ATP6AP2: variants seen among roughly 807,000 people sequenced by gnomAD.
ATP6AP2 encodes the protein ATPase H+ transporting accessory protein 2.
ATP6AP2 carries 1 observed loss-of-function variant against 23.4 expected under a neutral mutation model. The ratio of observed to expected loss-of-function variants is 0.04; its 90% confidence interval spans 0.02 to 0.20. The LOEUF is 0.20. ATP6AP2 is among the 10% of genes least tolerant of loss of function. The probability of loss-of-function intolerance (pLI) is 1.00; values close to 1 mark genes in which losing one functional copy is unlikely to be tolerated. For synonymous variants in ATP6AP2, 90 were observed against 97.1 expected, an observed-to-expected ratio of 0.93 and a Z score of 0.43; for missense variants, 174 against 271.3, an observed-to-expected ratio of 0.64 and a Z score of 2.52.
rs150888162 is a variant in ATP6AP2, at chrX:40,588,098, G to T, written c.38-888G>T. On this transcript the variant is annotated intron_variant, in intron 1 of 8. Transcript: ENST00000636580. The stretch of plus-strand genomic sequence containing the variant: ...TGTCCCTGTGTAAGCTAGACATCAC[G>T]AGGTTAATAGATAATGGATGAAGAG... Among the ~76,000 whole-genome samples the T allele has an allele frequency of 9.9e-3, 1,110 of 112,253 alleles. 13 individuals are homozygous for T. The highest frequency in any genetic ancestry group is 0.034 in the African/African-American group (1,059 of 30,898).
At chrX:40,590,897 T>C (rs1291512662) in intron 2 of ATP6AP2, 8 of 219,976 alleles carry the variant, frequency 3.6e-5, no homozygotes, top group Non-Finnish European at 6.6e-5. Flanking sequence ...GGGAAGAAAA[T>C]TTCCATGGCT....
intron 1 of ATP6AP2, among the ~76,000 whole-genome samples, chrX:40,587,099 G>C (rs1926493417): frequency 8.9e-6 from 1 of 111,888 alleles, no homozygotes; most frequent in African/African-American, 3.2e-5. Context: ...GTGTCACCCT[G>C]TCTCTACTGA....
rs79790275 is a variant in ATP6AP2, at chrX:40,605,752, T to A, written c.1050T>A (p.Asp350Glu). ...YRMTNQKIRMD is the reference protein window; with the variant it reads ...YRMTNQKIRME ...TGACAAACCAGAAGATTCGAATGGATTGAATGTTACCTGTGCCAGAATTAG... is the reference window on the plus strand; with the variant it reads ...TGACAAACCAGAAGATTCGAATGGAATGAATGTTACCTGTGCCAGAATTAG... The change falls in exon 9 of 9, where the codon GAT becomes GAA. Residue 350 changes from aspartate (D) to glutamate (E), a missense_variant. Coordinates refer to ENST00000636580, the MANE Select transcript of ATP6AP2 (RefSeq NM_005765.3). 1 of 1,203,608 alleles carries A rather than the reference T, an allele frequency of 8.3e-7. No homozygotes were observed. The highest frequency in any genetic ancestry group is 1.1e-6 in the Non-Finnish European group (1 of 888,611).
intron 1 of ATP6AP2, among the ~76,000 whole-genome samples, chrX:40,586,054 G>A (rs917412388): frequency 1.8e-5 from 2 of 110,594 alleles, no homozygotes; most frequent in African/African-American, 6.6e-5. Context: ...TGCCTTGAGC[G>A]TATTTTTATG....
At chrX:40,582,278 A>AT (rs1255434953) in intron 1 of ATP6AP2, among the ~76,000 whole-genome samples, 1 of 112,173 alleles carries the variant, frequency 8.9e-6, no homozygotes, top group Non-Finnish European at 1.9e-5. Context: ...AAATATAAAA[A>AT]TTAGCCGGGT....
chrX:40,585,625 A>G (rs914910903), intron 1 of ATP6AP2, among the ~76,000 whole-genome samples: 6 of 111,190 alleles, frequency 5.4e-5, no homozygotes, highest in Non-Finnish European at 9.4e-5. Flanking sequence ...AGGCCGAGGC[A>G]GGCGGATTGT....
chrX:40,598,254 G>A (rs950048522), intron 5 of ATP6AP2: 3 of 171,372 alleles, frequency 1.8e-5, no homozygotes, highest in African/African-American at 6.2e-5. Flanking sequence ...TGCCACTTTC[G>A]TGGTGGCCTC....
chrX:40,601,944 A>G (rs2146544845), intron 8 of ATP6AP2, among the ~76,000 whole-genome samples: 1 of 112,681 alleles, frequency 8.9e-6, no homozygotes, highest in Admixed American at 9.4e-5. Flanking sequence ...TTCCCACCAT[A>G]AAACGTCTAG....
chrX:40,600,807 G>A lies in ATP6AP2; in HGVS notation c.784G>A (p.Glu262Lys), dbSNP rs753465548. 1.7e-6 allele frequency: 2 copies of A among 1,206,860 alleles called. No homozygotes were observed. The highest frequency in any genetic ancestry group is 2.2e-6 in the Non-Finnish European group (2 of 891,700). The change falls in exon 8 of 9, where the codon GAG (glutamate) becomes AAG (lysine). Residue 262 changes from glutamate to lysine, a missense_variant. Transcript: ENST00000636580. ...TCTTTATGGTGGGAATGCAGTGGTA[G>A]AGTTAGTCACTGTCAAGTCATTTGA... is the stretch of plus-strand genomic sequence containing the variant. ...YSLYGGNAVVELVTVKSFDTS... is the reference protein window; with the variant it reads ...YSLYGGNAVVKLVTVKSFDTS...
rs763279174 is a variant in ATP6AP2 at position 40,591,384 on chromosome X, A to C, written c.300+19A>C. 1.7e-5 allele frequency: 21 copies of C among 1,201,038 alleles called. No homozygotes were observed. The highest frequency in any genetic ancestry group is 2.3e-5 in the Non-Finnish European group (20 of 888,515). On this transcript the variant is annotated intron_variant, in intron 3 of 8. Coordinates refer to ENST00000636580, the MANE Select transcript of ATP6AP2 (RefSeq NM_005765.3). The stretch of plus-strand genomic sequence containing the variant: ...GGAGAATGTGAGTATTTATTATAAA[A>C]AATTAAAGGGATGCATTTTACATTT...
intron 3 of ATP6AP2, chrX:40,591,677 A>C (rs961049111): frequency 4.0e-6 from 1 of 251,721 alleles, no homozygotes; most frequent in African/African-American, 2.9e-5. Context: ...GTATCCTGCT[A>C]CTGTTTTTTT....
chrX:40,590,247 C>T (rs1308764407), intron 2 of ATP6AP2: 1 of 111,965 alleles, frequency 8.9e-6, no homozygotes, highest in East Asian at 2.8e-4. Flanking sequence ...GACAGGGTCT[C>T]GCTATGTTGT....
intron 1 of ATP6AP2, among the ~76,000 whole-genome samples, chrX:40,587,823 G>A (rs779994250): frequency 3.8e-4 from 43 of 112,284 alleles, no homozygotes; most frequent in African/African-American, 1.3e-3. Flanking sequence ...AGGCTGCAGT[G>A]AGTCATGCAG....
At chrX:40,590,669 C>T (rs1365899177) in intron 2 of ATP6AP2, 1 of 117,789 alleles carries the variant, frequency 8.5e-6, no homozygotes, top group African/African-American at 3.2e-5. Context: ...GTGAACACCA[C>T]ACCTGACCAT....
chrX:40,582,515 C>T (rs1248274129), intron 1 of ATP6AP2, among the ~76,000 whole-genome samples: 1 of 111,742 alleles, frequency 8.9e-6, no homozygotes, highest in African/African-American at 3.3e-5. Context: ...TAATTCTGCA[C>T]CAGTATGCTC....
At chrX:40,586,267 T>TA (rs1926467226) in intron 1 of ATP6AP2, among the ~76,000 whole-genome samples, 1 of 111,708 alleles carries the variant, frequency 9.0e-6, no homozygotes. Flanking sequence ...TGATGGCTAT[T>TA]ACCATATAGC....
At chrX:40,600,427 C>A (rs1349754788) in intron 7 of ATP6AP2, 1 of 134,638 alleles carries the variant, frequency 7.4e-6, no homozygotes, top group African/African-American at 3.2e-5. Context: ...TAACACTTTT[C>A]TGTATAGTTG....
rs192902354 is a variant in ATP6AP2 at position 40,601,390 on chromosome X, G to A, written c.858+509G>A. Among the ~76,000 whole-genome samples, 324 of 111,410 alleles carry A rather than the reference G, an allele frequency of 2.9e-3. 8 individuals are homozygous for A. The Admixed American group carries it at 0.029, about 10-fold the overall frequency. ...TTTCTAGCAGGCACATTGTCTTTGT[G>A]GCGTAGTCCCTCACTTACTGAGATC... On this transcript the variant is annotated intron_variant, in intron 8 of 8. Transcript: ENST00000636580.
rs1927065989 is a variant in ATP6AP2 at position 40,606,176 on chromosome X, A to G, written c.*421A>G. ...TTTGGGCTATTGTATACTATGAACA[A>G]TTTGTAAATGTCTTAATTTGATGTA... On this transcript the variant is annotated 3_prime_UTR_variant, in exon 9 of 9. Transcript: ENST00000636580. The G allele has an allele frequency of 7.9e-6, 1 of 126,321 alleles. No individual in the cohort carries two copies. Among genetic ancestry groups the G allele is most frequent in the Non-Finnish European group, 1.6e-5 (1 of 61,907 alleles). The allele number at this position is 126,321 out of a possible 1,213,427, so 10.4% of individuals were successfully genotyped here.
Sources: allele counts gnomAD v4.1 joint callset (sites outside exome capture counted in the v4.1 genomes callset), GRCh38; gene constraint gnomAD v4.1.1; transcripts MANE v1.5; gene names NCBI Gene and HGNC (gene_info 2026-07-23, HGNC 2026-07-21).